The following CCDC112 variants were observed in gnomAD, a reference collection of about 807,000 sequenced individuals.
CCDC112 encodes coiled-coil domain containing 112, also known as coiled-coil domain-containing protein 112.
In CCDC112, 40 loss-of-function variants were observed where a neutral mutation model predicts 66.3. The ratio of observed to expected loss-of-function variants is 0.60; its 90% CI spans 0.47 to 0.79. The LOEUF (loss-of-function observed/expected upper bound fraction) is 0.79. Among genes scored for constraint, CCDC112 ranks in the 30% least tolerant of loss-of-function variants. CCDC112 has a pLI of 0.00. For synonymous variants in CCDC112, 214 were observed against 197.2 expected, an observed-to-expected ratio of 1.09 and a Z score of -0.71; for missense variants, 659 against 603.8, an observed-to-expected ratio of 1.09 and a Z score of -0.96.
In CCDC112 at chr5:115,276,038, T is replaced by G; in HGVS notation, c.483A>C (p.Glu161Asp). The part of the protein sequence containing the change: ...FVEKLREMME[E>D]IENAINTFKE... Reference sequence around the variant, plus strand: ...TAAAAGTGTTAATTGCATTTTCAATTTCTTCCATCATTTCTCTGAGCTTCT... The same window carrying G: ...TAAAAGTGTTAATTGCATTTTCAATGTCTTCCATCATTTCTCTGAGCTTCT... Residue 161 changes from glutamate (E) to aspartate (D), a missense_variant, in exon 5 of 10, where the codon GAA becomes GAC. By Grantham distance (45) the Glu-to-Asp change is conservative. Coordinates refer to ENST00000379611, the MANE Select transcript of CCDC112 (RefSeq NM_001040440.3). The G allele has an allele frequency of 6.2e-7, 1 of 1,607,740 alleles. No individual in the cohort carries two copies. The highest frequency in any genetic ancestry group is 8.5e-7 in the Non-Finnish European group (1 of 1,177,168).
At chr5:115,270,871 C>T (rs1030053253) in intron 7 of CCDC112, among the ~76,000 whole-genome samples, 1 of 152,128 alleles carries the variant, frequency 6.6e-6, no homozygotes, top group South Asian at 2.1e-4. Context: ...CTAGGAAGGA[C>T]CTCATTTTTC....
chr5:115,290,144 T>A (rs972739546), intron 1 of CCDC112, among the ~76,000 whole-genome samples: 4 of 152,256 alleles, frequency 2.6e-5, no homozygotes, highest in Non-Finnish European at 5.9e-5. Flanking sequence ...TGCATTTAGA[T>A]CTTTGATCAG....
intron 4 of CCDC112, 108 bp downstream of exon 4, chr5:115,276,857 T>C (rs1749227137): frequency 9.4e-6 from 6 of 639,584 alleles, no homozygotes; most frequent in Non-Finnish European, 1.3e-5. Flanking sequence ...AGAGTTTAGC[T>C]CCATTAATAA....
chr5:115,296,332 G>A, intron 1 of CCDC112, 95 bp downstream of exon 1: 1 of 1,366,564 alleles, frequency 7.3e-7, no homozygotes. Flanking sequence ...GGCGAACGCC[G>A]CGCCTCCCGC....
In CCDC112 at chr5:115,296,555, G is replaced by A. The variant is rs756720775; in HGVS notation, c.-12C>T. The A allele has an allele frequency of 3.4e-6, 5 of 1,472,532 alleles. No homozygotes were observed. In the South Asian group the frequency reaches 5.4e-5, roughly 16 times the overall value. The allele number at this position is 1,472,532 out of a possible 1,614,324, so 91.2% of individuals were successfully genotyped here. A position where few individuals can be genotyped will look rare whatever the true frequency, so the allele number is the denominator to read the frequency against. ...GTCAGTGCGGCCATGTTTACCCGCC[G>A]AGCTACTCGGGCCGCGGCGGCCACC... On this transcript the variant is annotated 5_prime_UTR_variant, in exon 1 of 10. Transcript: ENST00000379611.
At chr5:115,275,727 A>G (rs914318747) in intron 5 of CCDC112, 121 bp from the exon 6 acceptor site, 4 of 784,980 alleles carry the variant, frequency 5.1e-6, no homozygotes, top group Admixed American at 6.7e-5. Flanking sequence ...ATTAACATTT[A>G]TAAATTTAAG....
At position 115,275,413 on chromosome 5, in the gene CCDC112, GA is replaced by G; in HGVS notation, c.720del (p.Gln241SerfsTer19). 5 of 1,613,998 alleles carry G rather than the reference GA, an allele frequency of 3.1e-6. No homozygotes were observed. The highest frequency in any genetic ancestry group is 4.2e-6 in the Non-Finnish European group (5 of 1,179,966). ...PEEVLDFEKF[L>X]QQTGGRQGAW... Reference sequence around the variant, plus strand: ...GCACCTTGTCGCCCTCCTGTTTGCTGAAGGAATTTTTCAAAATCTAGTACCT... The same window carrying G: ...GCACCTTGTCGCCCTCCTGTTTGCTGAGGAATTTTTCAAAATCTAGTACCT... On this transcript the variant is annotated frameshift_variant, in exon 6 of 10. Coordinates refer to ENST00000379611, the MANE Select transcript of CCDC112 (RefSeq NM_001040440.3). LOFTEE classifies it high-confidence loss of function.
intron 3 of CCDC112, among the ~76,000 whole-genome samples, chr5:115,277,975 A>C (rs1749280544): frequency 6.6e-6 from 1 of 152,128 alleles, no homozygotes; most frequent in Non-Finnish European, 1.5e-5. Context: ...TTTTAAGAAA[A>C]AGTTTACCTA....
intron 1 of CCDC112, among the ~76,000 whole-genome samples, 173 bp from the exon 2 acceptor site, chr5:115,285,081 A>G (rs547675847): frequency 6.6e-6 from 1 of 152,354 alleles, no homozygotes; most frequent in South Asian, 2.1e-4. Context: ...CTATCAAATG[A>G]AGGAATATCT....
intron 2 of CCDC112, among the ~76,000 whole-genome samples, chr5:115,284,068 A>C (rs1749569407): frequency 6.6e-6 from 1 of 152,134 alleles, no homozygotes; most frequent in Non-Finnish European, 1.5e-5. Context: ...TGAAAGGAGC[A>C]GAAACCAAGG....
At chr5:115,284,474 T>C (rs369999605) in intron 2 of CCDC112, among the ~76,000 whole-genome samples, 1 of 152,300 alleles carries the variant, frequency 6.6e-6, no homozygotes, top group East Asian at 1.9e-4. Context: ...CATTTAGTTA[T>C]AAAGTGAAAA....
intron 3 of CCDC112, among the ~76,000 whole-genome samples, chr5:115,277,785 A>C (rs1580799407): frequency 6.6e-6 from 1 of 152,296 alleles, no homozygotes; most frequent in Non-Finnish European, 1.5e-5. Flanking sequence ...ATCTTACTTT[A>C]ATATTTACTT....
chr5:115,285,601 G>A (rs1312142243), intron 1 of CCDC112, among the ~76,000 whole-genome samples: 1 of 152,018 alleles, frequency 6.6e-6, no homozygotes, highest in Non-Finnish European at 1.5e-5. Flanking sequence ...TGTGGATCTT[G>A]GTAGGAAAAT....
Position 115,272,657 on chromosome 5 carries a change from T to G in CCDC112, c.919-1031A>C, listed in dbSNP as rs80092251. On this transcript the variant is annotated intron_variant, in intron 6 of 9. Transcript: ENST00000379611. ...ATTATTTCAAATTCTAGCAGGCTTCTCCATGCCATTTAGGGCATATTCACT... is the reference window on the plus strand; with the variant it reads ...ATTATTTCAAATTCTAGCAGGCTTCGCCATGCCATTTAGGGCATATTCACT... 7.2e-3 allele frequency among the ~76,000 whole-genome samples: 1,104 copies of G among 152,326 alleles called. 17 individuals carry two copies. The highest frequency in any genetic ancestry group is 0.025 in the African/African-American group (1,046 of 41,560).
rs758489208 is a variant in CCDC112 at position 115,284,894 on chromosome 5, A to C, written c.132T>G (p.Phe44Leu). ...AAGGACGAATTCCACCTGAAGTACT[A>C]AAACAGCCATCACTCTGCATTGAGA... ...TPAPQQSDGC[F>L]STSGGIRPFH... Residue 44 changes from phenylalanine to leucine, a missense_variant, in exon 2 of 10, where the codon TTT becomes TTG. By Grantham distance (22) the Phe-to-Leu change is conservative. Transcript: ENST00000379611. 6.2e-7 allele frequency: 1 copy of C among 1,612,680 alleles called. No individual in the cohort carries two copies. Among genetic ancestry groups the C allele is most frequent in the Non-Finnish European group, 8.5e-7 (1 of 1,179,006 alleles).
At chr5:115,280,889 T>G (rs1390469522) in intron 2 of CCDC112, among the ~76,000 whole-genome samples, 1 of 152,142 alleles carries the variant, frequency 6.6e-6, no homozygotes, top group Non-Finnish European at 1.5e-5. Flanking sequence ...GAAATTAATA[T>G]GAATATTTCT....
At chr5:115,290,402 C>G (rs1226429515) in intron 1 of CCDC112, among the ~76,000 whole-genome samples, 1 of 152,178 alleles carries the variant, frequency 6.6e-6, no homozygotes, top group Non-Finnish European at 1.5e-5. Context: ...CTGAATTTAA[C>G]AAGTGTAAGT....
chr5:115,293,130 C>G (rs904459002), intron 1 of CCDC112, among the ~76,000 whole-genome samples: 2 of 152,088 alleles, frequency 1.3e-5, no homozygotes, highest in Non-Finnish European at 2.9e-5. Flanking sequence ...TTAAACTGCA[C>G]GTGGAATCTA....
intron 1 of CCDC112, among the ~76,000 whole-genome samples, chr5:115,287,696 C>CTTTTT (rs778702533): frequency 6.7e-4 from 57 of 84,550 alleles, no homozygotes; most frequent in Non-Finnish European, 8.6e-4. Context: ...ATCCCCTTTC[C>CTTTTT]TTTTTTTTTT....
Sources: allele counts gnomAD v4.1 joint callset (sites outside exome capture counted in the v4.1 genomes callset), GRCh38; gene constraint gnomAD v4.1.1; transcripts MANE v1.5; gene names NCBI Gene and HGNC (gene_info 2026-07-23, HGNC 2026-07-21).